DST: variants seen among roughly 807,000 people sequenced by gnomAD.
DST encodes the protein bullous pemphigoid antigen.
DST carries 253 observed loss-of-function variants against 875.2 expected under a neutral mutation model. The ratio of observed to expected loss-of-function variants is 0.29; its 90% CI spans 0.26 to 0.32. The LOEUF is 0.32. DST is among the 10% of genes least tolerant of loss of function. The pLI, the probability that DST is intolerant of heterozygous loss-of-function variation, is 1.00. For synonymous variants in DST, 3,124 were observed against 3,197.1 expected, an observed-to-expected ratio of 0.98 and a Z score of 0.77; for missense variants, 8,287 against 9,111.6, an observed-to-expected ratio of 0.91 and a Z score of 3.68.
intron 36 of DST, chr6:56,615,403 TAG>T: frequency 1.3e-6 from 2 of 1,554,646 alleles, no homozygotes; most frequent in Non-Finnish European, 1.7e-6. Context: ...CCTCAAGAAA[TAG>T]AGTATGTTAC....
rs375863662 is a variant in DST, at chr6:56,603,221, G to T, written c.11141C>A (p.Ala3714Glu). Residue 3714 changes from alanine (A) to glutamate (E), a missense_variant, in exon 42 of 104, where the codon GCG (alanine) becomes GAG (glutamate). Ala to Glu is a moderately radical substitution (Grantham distance 107). Around this residue, in one of 10 missense-constraint regions of DST, gnomAD observed 3,138 missense variants for 3,116.6 expected, o/e 1.01. Coordinates refer to ENST00000680361, the MANE Select transcript of DST (RefSeq NM_001374736.1). The stretch of plus-strand genomic sequence containing the variant: ...TATGCCTACCATTTCAGAGTCGATC[G>T]CAAGCATGATCTGTTTCGTTCTTTC... Reference protein sequence around the residue: ...SSERTKQIMLAIDSEMSKLAV... With the variant: ...SSERTKQIMLEIDSEMSKLAV... 1 of 1,602,044 alleles carries T rather than the reference G, an allele frequency of 6.2e-7. No homozygotes were observed. The highest frequency in any genetic ancestry group is 8.5e-7 in the Non-Finnish European group (1 of 1,174,218).
Position 56,473,949 on chromosome 6 carries a change from C to T in DST, c.21918G>A (p.Lys7306=), listed in dbSNP as rs1379332327. Residue 7306 remains lysine, a synonymous_variant, in exon 93 of 104, where the codon AAG becomes AAA. Coordinates refer to ENST00000680361, the MANE Select transcript of DST (RefSeq NM_001374736.1). ...RKQPDVDKVT[K]TYKRRAADPS... ...GATCAGCAGCTCTCCTCTTATAGGT[C>T]TTCGTTACTTTATCAACATCAGGCT... The T allele has an allele frequency of 3.8e-6, 6 of 1,586,638 alleles. No homozygotes were observed. The highest frequency in any genetic ancestry group is 5.2e-6 in the Non-Finnish European group (6 of 1,164,270).
intron 83 of DST, 30 bp downstream of exon 83, chr6:56,493,980 T>C: frequency 6.8e-7 from 1 of 1,467,742 alleles, no homozygotes; most frequent in South Asian, 1.6e-5. Flanking sequence ...ACTAAAACAC[T>C]GATTCTATTA....
intron 55 of DST, among the ~76,000 whole-genome samples, chr6:56,566,317 C>A (rs919044494): frequency 1.3e-5 from 2 of 152,198 alleles, no homozygotes; most frequent in Non-Finnish European, 2.9e-5. Context: ...AAACCCAGAG[C>A]CCTGGTGGTG....
At chr6:56,744,545 C>T (rs190810925) in intron 4 of DST, among the ~76,000 whole-genome samples, 3 of 152,042 alleles carry the variant, frequency 2.0e-5, no homozygotes, top group Non-Finnish European at 2.9e-5. Flanking sequence ...GTATTATAGA[C>T]GAAAGAAGGA....
In DST at chr6:56,555,918, C is replaced by A. The variant is rs962992034; in HGVS notation, c.14641-78G>T. 12 of 1,325,588 alleles carry A rather than the reference C, an allele frequency of 9.1e-6. No individual in the cohort carries two copies. The African/African-American group carries it at 1.6e-4, about 18-fold the overall frequency. 82.1% of individuals were successfully genotyped at this position (1,325,588 alleles called of 1,614,324 possible). A position where few individuals can be genotyped will look rare whatever the true frequency, so the allele number is the denominator to read the frequency against. On this transcript the variant is annotated intron_variant, in intron 59 of 103. Transcript: ENST00000680361. ...AACACAGATTTGGTGTCCAAACAGA[C>A]AGAAATGGTAATTATTTCTCCAGTT...
chr6:56,778,046 T>A (rs1590092217), intron 4 of DST, among the ~76,000 whole-genome samples: 2 of 152,210 alleles, frequency 1.3e-5, no homozygotes, highest in African/African-American at 4.8e-5. Flanking sequence ...TAAGAAAACT[T>A]AAATGTAAAT....
Position 56,494,130 on chromosome 6 carries a change from C to A in DST, c.20274G>T (p.Met6758Ile). Residue 6758 changes from methionine (M) to isoleucine (I), a missense_variant, in exon 83 of 104, where the codon ATG becomes ATT. Met to Ile is a conservative substitution (Grantham distance 10). Around this residue, in one of 10 missense-constraint regions of DST, gnomAD observed 1,292 missense variants for 1,552.7 expected, o/e 0.83. Coordinates refer to ENST00000680361, the MANE Select transcript of DST (RefSeq NM_001374736.1). ...EAKEETYKSLMQKGQQMLARC... is the reference protein window; with the variant it reads ...EAKEETYKSLIQKGQQMLARC... ...TTGCAAGCATCTGCTGGCCTTTCTG[C>A]ATCAGACTCTTATATGTTTCTTCTT... The A allele has an allele frequency of 1.2e-6, 2 of 1,611,638 alleles. No homozygotes were observed. The highest frequency in any genetic ancestry group is 3.3e-5 in the Admixed American group (2 of 59,968).
At chr6:56,802,731 G>C (rs2099748681) in intron 4 of DST, among the ~76,000 whole-genome samples, 1 of 152,144 alleles carries the variant, frequency 6.6e-6, no homozygotes, top group Non-Finnish European at 1.5e-5. Flanking sequence ...CCTGATGCAG[G>C]AAAGGAGCAC....
chr6:56,781,753 C>T (rs1306424197), intron 4 of DST, among the ~76,000 whole-genome samples: 1 of 152,112 alleles, frequency 6.6e-6, no homozygotes, highest in African/African-American at 2.4e-5. Flanking sequence ...GAACTTTCAA[C>T]ACTATGTTGA....
At chr6:56,640,119 C>T in intron 18 of DST, 24 bp downstream of exon 18, 1 of 1,613,234 alleles carries the variant, frequency 6.2e-7, no homozygotes, top group Non-Finnish European at 8.5e-7. Context: ...CTGAAACACT[C>T]AGGTAAAGTA....
intron 69 of DST, among the ~76,000 whole-genome samples, chr6:56,525,190 A>G (rs2096775725): frequency 2.0e-5 from 3 of 152,200 alleles, no homozygotes. Flanking sequence ...TGCTGTTTAG[A>G]GAAGCCTTCA....
At chr6:56,847,515 T>G (rs2099808432) in intron 4 of DST, among the ~76,000 whole-genome samples, 1 of 152,204 alleles carries the variant, frequency 6.6e-6, no homozygotes, top group Admixed American at 6.5e-5. Flanking sequence ...TTACAGTTTC[T>G]GTCTTTCCCT....
chr6:56,713,853 G>A (rs2099386267), intron 5 of DST, among the ~76,000 whole-genome samples: 1 of 152,114 alleles, frequency 6.6e-6, no homozygotes, highest in Non-Finnish European at 1.5e-5. Flanking sequence ...GATACTTTCA[G>A]ATACTTTATA....
intron 102 of DST, chr6:56,460,615 A>T (rs2094280241): frequency 6.2e-6 from 1 of 162,484 alleles, no homozygotes; most frequent in Admixed American, 6.1e-5. Flanking sequence ...GTGTATTGCT[A>T]AAAAGATGGT....
chr6:56,725,321 C>G (rs1171693260), intron 5 of DST, among the ~76,000 whole-genome samples: 4 of 152,236 alleles, frequency 2.6e-5, no homozygotes, highest in African/African-American at 9.6e-5. Flanking sequence ...TTCCTATGCA[C>G]AGCTGACTTT....
chr6:56,754,559 T>C (rs2099596974), intron 4 of DST, among the ~76,000 whole-genome samples: 1 of 152,066 alleles, frequency 6.6e-6, no homozygotes, highest in African/African-American at 2.4e-5. Context: ...ATTAGCAAAA[T>C]ATAGACAAAA....
At position 56,603,617 on chromosome 6, in the gene DST, C is replaced by T. The variant is rs771778091; in HGVS notation, c.10888G>A (p.Glu3630Lys). Residue 3630 changes from glutamate to lysine, a missense_variant, in exon 41 of 104, where the codon GAA becomes AAA. Around this residue, in one of 10 missense-constraint regions of DST, gnomAD observed 3,138 missense variants for 3,116.6 expected, o/e 1.01. Coordinates refer to ENST00000680361, the MANE Select transcript of DST (RefSeq NM_001374736.1). Reference protein sequence around the residue: ...QDMKPPLDNQESLDNNLEALK... With the variant: ...QDMKPPLDNQKSLDNNLEALK... Reference sequence around the variant, plus strand: ...GCTTCCAAGTTGTTATCCAGAGATTCCTGGTTGTCTAAGGGGGGTTTCATA... The same window carrying T: ...GCTTCCAAGTTGTTATCCAGAGATTTCTGGTTGTCTAAGGGGGGTTTCATA... 4.3e-6 allele frequency: 7 copies of T among 1,610,916 alleles called. No homozygotes were observed. In the African/African-American group the frequency reaches 8.0e-5, roughly 18 times the overall value.
At chr6:56,789,754 C>G (rs2099712441) in intron 4 of DST, among the ~76,000 whole-genome samples, 1 of 152,190 alleles carries the variant, frequency 6.6e-6, no homozygotes, top group South Asian at 2.1e-4. Context: ...CCTCAAGGTT[C>G]ATCCACACTT....
Sources: allele counts gnomAD v4.1 joint callset (sites outside exome capture counted in the v4.1 genomes callset), GRCh38; gene constraint gnomAD v4.1.1; regional missense constraint gnomAD v4.1.1; transcripts MANE v1.5; gene names NCBI Gene and HGNC (gene_info 2026-07-23, HGNC 2026-07-21).